Variants in RELN observed in about 807,000 individuals in gnomAD.
RELN encodes reelin.
In RELN, 108 loss-of-function variants were observed where a neutral mutation model predicts 427.6. The ratio of observed to expected loss-of-function variants is 0.25; its 90% CI spans 0.22 to 0.30. The LOEUF is 0.30. RELN is among the 10% of genes least tolerant of loss of function. The pLI, the probability that RELN is intolerant of heterozygous loss-of-function variation, is 1.00. For missense variants in RELN, 3,715 were observed against 4,302.8 expected, an observed-to-expected ratio of 0.86 and a Z score of 3.82; for synonymous variants, 1,524 against 1,513.4, an observed-to-expected ratio of 1.01 and a Z score of -0.16.
intron 4 of RELN, among the ~76,000 whole-genome samples, chr7:103,763,218 C>A (rs1791345992): frequency 6.6e-6 from 1 of 152,168 alleles, no homozygotes; most frequent in Non-Finnish European, 1.5e-5. Flanking sequence ...TGCCTAAATA[C>A]AGATATAAAA....
At chr7:103,770,817 G>C (rs1791548796) in intron 4 of RELN, among the ~76,000 whole-genome samples, 1 of 151,518 alleles carries the variant, frequency 6.6e-6, no homozygotes, top group African/African-American at 2.4e-5. Flanking sequence ...TGACTCCAAA[G>C]ATTGAGCATG....
chr7:103,833,544 T>C lies in RELN; in HGVS notation c.466A>G (p.Asn156Asp). The C allele has an allele frequency of 6.2e-7, 1 of 1,614,048 alleles. No homozygotes were observed. The highest frequency in any genetic ancestry group is 8.5e-7 in the Non-Finnish European group (1 of 1,179,930). Residue 156 changes from asparagine to aspartate, a missense_variant, in exon 3 of 65, where the codon AAT (asparagine) becomes GAT (aspartate). Physicochemically the swap from Asn to Asp is conservative, Grantham distance 23. This residue lies in a region of RELN where 2,208 missense variants were observed against 2,361.7 expected (regional missense o/e 0.93). Transcript: ENST00000428762. The part of the protein sequence containing the change: ...IAPPAGTGCV[N>D]FMATATHRGQ... ...GACACTTTGGGTACTTACATGAAAT[T>C]CACACAGCCTGTGCCCGCAGGTGGA...
At chr7:103,807,639 G>T (rs941272418) in intron 3 of RELN, among the ~76,000 whole-genome samples, 12 of 151,982 alleles carry the variant, frequency 7.9e-5, no homozygotes, top group African/African-American at 2.9e-4. Flanking sequence ...GCAGTCCCCA[G>T]TGTCTATTGC....
intron 1 of RELN, among the ~76,000 whole-genome samples, chr7:103,958,441 A>G (rs1190310424): frequency 1.4e-4 from 21 of 152,280 alleles, no homozygotes; most frequent in South Asian, 6.2e-4. Flanking sequence ...TTCTGACCCA[A>G]TATGAAGCAG....
intron 2 of RELN, among the ~76,000 whole-genome samples, chr7:103,839,266 T>C (rs1046447593): frequency 6.6e-6 from 1 of 150,718 alleles, no homozygotes; most frequent in African/African-American, 2.4e-5. Context: ...GACCTTTCTA[T>C]GCAACTTCAA....
chr7:103,708,458 A>G (rs1789694815), intron 8 of RELN, among the ~76,000 whole-genome samples: 1 of 106,788 alleles, frequency 9.4e-6, no homozygotes, highest in African/African-American at 5.1e-5. Context: ...ACCAGTGGGT[A>G]TGACTCTTTT....
In RELN at chr7:103,833,803, T is replaced by C. The variant is rs149164950; in HGVS notation, c.338-131A>G. 4 of 878,112 alleles carry C rather than the reference T, an allele frequency of 4.6e-6. No individual in the cohort carries two copies. In the African/African-American group the frequency reaches 5.0e-5, roughly 11 times the overall value. The allele number at this position is 878,112 out of a possible 1,614,324, so 54.4% of individuals were successfully genotyped here. ...TGCTATTTGGCTTCCCAATAAGTTATGTAATTTTTCACTTTTTATTGCTAC... is the reference window on the plus strand; with the variant it reads ...TGCTATTTGGCTTCCCAATAAGTTACGTAATTTTTCACTTTTTATTGCTAC... On this transcript the variant is annotated intron_variant, in intron 2 of 64. Coordinates refer to ENST00000428762, the MANE Select transcript of RELN (RefSeq NM_005045.4).
At chr7:103,897,213 A>G (rs542864685) in intron 2 of RELN, among the ~76,000 whole-genome samples, 2 of 152,282 alleles carry the variant, frequency 1.3e-5, no homozygotes, top group African/African-American at 2.4e-5. Flanking sequence ...GAGCCAAACC[A>G]TATCAATTAC....
At chr7:103,681,387 AATTAT>A (rs1485963650) in intron 11 of RELN, among the ~76,000 whole-genome samples, 5 of 152,174 alleles carry the variant, frequency 3.3e-5, no homozygotes, top group African/African-American at 4.8e-5. Flanking sequence ...TTCATTATGA[AATTAT>A]ATTTAATGTT....
At chr7:103,672,366 T>C (rs1355980469) in intron 11 of RELN, among the ~76,000 whole-genome samples, 3 of 152,086 alleles carry the variant, frequency 2.0e-5, no homozygotes, top group Admixed American at 2.0e-4. Flanking sequence ...GGCGTGGAAA[T>C]GTGCTGTAAA....
chr7:103,482,650 T>G (rs951116743), intron 63 of RELN: 4 of 447,654 alleles, frequency 8.9e-6, no homozygotes, highest in African/African-American at 8.6e-5. Context: ...ATAAATGTTG[T>G]GCTTATGGAA....
intron 38 of RELN, among the ~76,000 whole-genome samples, chr7:103,554,911 C>G (rs1341874286): frequency 1.3e-5 from 2 of 152,168 alleles, no homozygotes; most frequent in African/African-American, 4.8e-5. Context: ...ATACTTCAGT[C>G]AGGCTGAAGG....
At position 103,824,816 on chromosome 7, in the gene RELN, T is replaced by C. The variant is rs527687726; in HGVS notation, c.473+8721A>G. On this transcript the variant is annotated intron_variant, in intron 3 of 64. Transcript: ENST00000428762. This position sits in a 1 kb window ranked among gnomAD's most constrained non-coding sequence, Gnocchi z 4.4. ...AATTGTACCACAGAAACAAATATTT[T>C]GTTTATGTCACTTAATATTCCAAGC... Among the ~76,000 whole-genome samples, 13 of 152,194 alleles carry C rather than the reference T, an allele frequency of 8.5e-5. No homozygotes were observed. The South Asian group carries it at 2.5e-3, about 29-fold the overall frequency.
At chr7:103,709,039 T>G (rs1173154729) in intron 8 of RELN, among the ~76,000 whole-genome samples, 1 of 152,180 alleles carries the variant, frequency 6.6e-6, no homozygotes, top group Non-Finnish European at 1.5e-5. Flanking sequence ...AGGAGCTCAA[T>G]GAACACTTGA....
intron 20 of RELN, among the ~76,000 whole-genome samples, chr7:103,614,699 A>G (rs1453810900): frequency 6.6e-6 from 1 of 152,198 alleles, no homozygotes; most frequent in Admixed American, 6.5e-5. Context: ...ACTTTCATCT[A>G]TGTCATGGTC....
At chr7:103,822,024 A>T (rs1793027041) in intron 3 of RELN, among the ~76,000 whole-genome samples, 1 of 152,110 alleles carries the variant, frequency 6.6e-6, no homozygotes. Flanking sequence ...TAAAATAGAG[A>T]TGGAAATAAT....
chr7:103,831,775 C>T (rs1198927041), intron 3 of RELN, among the ~76,000 whole-genome samples: 2 of 152,104 alleles, frequency 1.3e-5, no homozygotes, highest in African/African-American at 2.4e-5. Flanking sequence ...TTGGAAGAGC[C>T]TTCAAACCTA....
At position 103,522,058 on chromosome 7, in the gene RELN, T is replaced by C; in HGVS notation, c.7632A>G (p.Gly2544=). The C allele has an allele frequency of 1.2e-6, 2 of 1,614,062 alleles. No individual in the cohort carries two copies. The highest frequency in any genetic ancestry group is 1.7e-6 in the Non-Finnish European group (2 of 1,180,006). ...VNGGKLSTVC[G]AVASGMALHF... is the part of the protein sequence containing the mutation. ...GGAGAGCCATTCCCGACGCCACGGC[T>C]CCACACACTGTACTCAATTTCCCTC... Residue 2544 remains glycine (G), a synonymous_variant, in exon 48 of 65, where the codon GGA becomes GGG. Transcript: ENST00000428762.
intron 28 of RELN, among the ~76,000 whole-genome samples, chr7:103,585,778 C>G (rs929334753): frequency 6.6e-6 from 1 of 152,056 alleles, no homozygotes; most frequent in African/African-American, 2.4e-5. Flanking sequence ...AGGCTAGTAT[C>G]CCTGATGAAC....
Sources: allele counts gnomAD v4.1 joint callset (sites outside exome capture counted in the v4.1 genomes callset), GRCh38; gene constraint gnomAD v4.1.1; regional missense constraint gnomAD v4.1.1; non-coding constraint Gnocchi (gnomAD v3.1); transcripts MANE v1.5; gene names NCBI Gene and HGNC (gene_info 2026-07-23, HGNC 2026-07-21).